LDLRAD4: variants seen among roughly 807,000 people sequenced by gnomAD.
LDLRAD4 encodes the protein low-density lipoprotein receptor class A domain-containing protein 4.
In LDLRAD4, 5 loss-of-function variants were observed where a neutral mutation model predicts 17.0. The observed-to-expected ratio is 0.29, with a 90% CI of 0.15 to 0.62. The LOEUF (loss-of-function observed/expected upper bound fraction) is 0.62, where lower values mean the gene tolerates loss of function less well. Among genes scored for constraint, LDLRAD4 ranks in the 20% least tolerant of loss-of-function variants. The pLI is 0.84. For missense variants in LDLRAD4, 340 were observed against 424.7 expected (o/e 0.80, Z 1.75); for synonymous variants, 168 against 171.8 (o/e 0.98, Z 0.17).
At chr18:13,285,557 C>T (rs912974022) in intron 1 of LDLRAD4, among the ~76,000 whole-genome samples, 10 of 152,140 alleles carry the variant, frequency 6.6e-5, no homozygotes, top group African/African-American at 2.2e-4. Flanking sequence ...CAGGAGGCTT[C>T]GTGGCGATGC....
At chr18:13,238,252 T>C (rs1031457994) in intron 1 of LDLRAD4, among the ~76,000 whole-genome samples, 1 of 152,242 alleles carries the variant, frequency 6.6e-6, no homozygotes, top group Admixed American at 6.5e-5. Context: ...GACAGATTGC[T>C]CGATGACTGG....
At chr18:13,443,336 C>T (rs138108409) in intron 3 of LDLRAD4, among the ~76,000 whole-genome samples, 1 of 152,284 alleles carries the variant, frequency 6.6e-6, no homozygotes, top group East Asian at 1.9e-4. Flanking sequence ...AACTTCCCAC[C>T]TCCCAAGCAT....
intron 1 of LDLRAD4, among the ~76,000 whole-genome samples, chr18:13,229,113 G>A (rs943647554): frequency 6.6e-6 from 1 of 152,242 alleles, no homozygotes; most frequent in Non-Finnish European, 1.5e-5. Flanking sequence ...TGGACCCACC[G>A]AGGAGGCAGC....
At chr18:13,503,261 A>G (rs547634974) in intron 3 of LDLRAD4, among the ~76,000 whole-genome samples, 2 of 152,352 alleles carry the variant, frequency 1.3e-5, no homozygotes. Flanking sequence ...AAATGGCAGC[A>G]TTGAAAAGTG....
chr18:13,398,563 G>C lies in LDLRAD4; in HGVS notation c.40+10801G>C, dbSNP rs2086890343. Among the ~76,000 whole-genome samples, 1 of 152,192 alleles carries C rather than the reference G, an allele frequency of 6.6e-6. No individual in the cohort carries two copies. Among genetic ancestry groups the C allele is most frequent in the Non-Finnish European group, 1.5e-5 (1 of 68,038 alleles). Reference sequence around the variant, plus strand: ...GAAAGATGGGTGGGAAAGTGGGAATGACTGTGGGTGGGTAACGAGGGTCTC... The same window carrying C: ...GAAAGATGGGTGGGAAAGTGGGAATCACTGTGGGTGGGTAACGAGGGTCTC... On this transcript the variant is annotated intron_variant, in intron 2 of 5. Coordinates refer to ENST00000359446, the Ensembl canonical transcript of LDLRAD4. The surrounding 1 kb of genome is among the most constrained non-coding windows in gnomAD (Gnocchi z 4.8).
chr18:13,444,666 C>T (rs1007639405), intron 3 of LDLRAD4, among the ~76,000 whole-genome samples: 4 of 152,204 alleles, frequency 2.6e-5, no homozygotes, highest in Non-Finnish European at 4.4e-5. Context: ...CTCCCAGCAT[C>T]CTATGAGCAT....
chr18:13,557,431 C>G (rs1484923842), intron 3 of LDLRAD4, among the ~76,000 whole-genome samples: 1 of 152,006 alleles, frequency 6.6e-6, no homozygotes, highest in South Asian at 2.1e-4. Context: ...GATTGAGTCT[C>G]GCTCTTTCGC....
At chr18:13,253,754 T>C (rs2145854742) in intron 1 of LDLRAD4, among the ~76,000 whole-genome samples, 1 of 152,362 alleles carries the variant, frequency 6.6e-6, no homozygotes, top group African/African-American at 2.4e-5. Context: ...GAATTAAGCT[T>C]AGGTTCTGGG....
intron 3 of LDLRAD4, among the ~76,000 whole-genome samples, chr18:13,584,274 T>C (rs1223277191): frequency 6.6e-6 from 1 of 152,222 alleles, no homozygotes; most frequent in Non-Finnish European, 1.5e-5. Flanking sequence ...TTGTCCCCTC[T>C]TTCTGTCATC....
chr18:13,232,860 G>A (rs377440943), intron 1 of LDLRAD4, among the ~76,000 whole-genome samples: 1 of 152,180 alleles, frequency 6.6e-6, no homozygotes, highest in Admixed American at 6.5e-5. Context: ...ACTCAGCTCC[G>A]GACCCGAAGC....
At chr18:13,260,951 T>C (rs1159314777) in intron 1 of LDLRAD4, among the ~76,000 whole-genome samples, 2 of 152,246 alleles carry the variant, frequency 1.3e-5, no homozygotes, top group East Asian at 3.8e-4. Flanking sequence ...CTTCCATTTG[T>C]TGGGACTAAT....
At chr18:13,325,728 A>G (rs912202890) in intron 1 of LDLRAD4, among the ~76,000 whole-genome samples, 2 of 151,578 alleles carry the variant, frequency 1.3e-5, no homozygotes, top group East Asian at 1.9e-4. Context: ...CTCATCTGTA[A>G]TGTGGGGATG....
rs562501138 is a variant in LDLRAD4, at chr18:13,622,222, C to T, written c.336+951C>T. 1.1e-4 allele frequency among the ~76,000 whole-genome samples: 16 copies of T among 152,136 alleles called. No homozygotes were observed. The highest frequency in any genetic ancestry group is 5.8e-4 in the East Asian group (3 of 5,156). On this transcript the variant is annotated intron_variant, in intron 4 of 5. Transcript: ENST00000359446. The surrounding 1 kb of genome is among the most constrained non-coding windows in gnomAD (Gnocchi z 5.3). ...GTCCAGGTGGGTTTCCTGGGGTGGC[C>T]GCTGGCCCTGGGACCCCTCTCAGGA...
At chr18:13,479,605 A>G (rs1468149585) in intron 3 of LDLRAD4, among the ~76,000 whole-genome samples, 1 of 151,916 alleles carries the variant, frequency 6.6e-6, no homozygotes, top group Non-Finnish European at 1.5e-5. Context: ...TGGGCAACAG[A>G]GTGAGACTCC....
chr18:13,251,750 A>G (rs1250085683), intron 1 of LDLRAD4, among the ~76,000 whole-genome samples: 1 of 152,238 alleles, frequency 6.6e-6, no homozygotes, highest in East Asian at 1.9e-4. Flanking sequence ...AAGTACTTGG[A>G]AGAAGTACTG....
rs547506735 is a variant in LDLRAD4, at chr18:13,234,000, C to A, written c.-467+15012C>A. Among the ~76,000 whole-genome samples the A allele has an allele frequency of 2.5e-3, 379 of 152,326 alleles. 1 individual carries two copies. The highest frequency in any genetic ancestry group is 8.8e-3 in the African/African-American group (364 of 41,574). On this transcript the variant is annotated intron_variant, in intron 1 of 5. Transcript: ENST00000399848. ...ACATCTCAGACACTTCTTTCGTCAC[C>A]TTTTCCCATGGCCCAGTGCATGTTT...
chr18:13,442,838 A>G (rs1460671282), intron 3 of LDLRAD4, among the ~76,000 whole-genome samples: 1 of 152,198 alleles, frequency 6.6e-6, no homozygotes, highest in African/African-American at 2.4e-5. Context: ...CAGACCCCCG[A>G]AGCCAGCGCT....
At chr18:13,638,583 A>G (rs2042268156) in intron 4 of LDLRAD4, among the ~76,000 whole-genome samples, 1 of 152,250 alleles carries the variant, frequency 6.6e-6, no homozygotes, top group African/African-American at 2.4e-5. Flanking sequence ...TCTCGTAAGC[A>G]TCCTGGGGCA....
intron 3 of LDLRAD4, among the ~76,000 whole-genome samples, chr18:13,498,326 C>T (rs1451183026): frequency 6.4e-5 from 9 of 140,674 alleles, no homozygotes; most frequent in African/African-American, 2.4e-4. Context: ...ACACGTCCTG[C>T]CGTGGACACT....
Sources: allele counts gnomAD v4.1 joint callset (sites outside exome capture counted in the v4.1 genomes callset), GRCh38; gene constraint gnomAD v4.1.1; non-coding constraint Gnocchi (gnomAD v3.1); transcripts MANE v1.5; gene names NCBI Gene and HGNC (gene_info 2026-07-23, HGNC 2026-07-21).